Variants in BOLL observed in about 807,000 individuals in gnomAD.
BOLL encodes the protein boule RNA binding protein.
In BOLL, 23 loss-of-function variants were observed where a neutral mutation model predicts 44.4. That is an observed-to-expected ratio of 0.52 (90% CI 0.37 to 0.73). The LOEUF is 0.73. Among genes scored for constraint, BOLL ranks in the 30% least tolerant of loss-of-function variants. The pLI, the probability that BOLL is intolerant of heterozygous loss-of-function variation, is 0.00. For synonymous variants in BOLL, 97 were observed against 110.8 expected (o/e 0.88, Z 0.78); for missense variants, 287 against 338.3 (o/e 0.85, Z 1.19).
At chr2:197,742,141 G>T (rs75691287) in intron 10 of BOLL, among the ~76,000 whole-genome samples, 1 of 152,126 alleles carries the variant, frequency 6.6e-6, no homozygotes, top group African/African-American at 2.4e-5. Flanking sequence ...TTAGAATGGC[G>T]ATCATTAAAA....
rs185103102 is a variant in BOLL at position 197,760,612 on chromosome 2, G to A, written c.553-3212C>T. On this transcript the variant is annotated intron_variant, in intron 7 of 10. Coordinates refer to ENST00000392296, the MANE Select transcript of BOLL (RefSeq NM_033030.6). The stretch of plus-strand genomic sequence containing the variant: ...CCTGACCTGAGGAACAGCTCAGCAA[G>A]CCCACCCCTGGCAAAGCCCTACCAC... Among the ~76,000 whole-genome samples the A allele has an allele frequency of 2.0e-5, 3 of 152,276 alleles. No individual in the cohort carries two copies. In the East Asian group the frequency reaches 5.8e-4, roughly 29 times the overall value.
intron 9 of BOLL, among the ~76,000 whole-genome samples, chr2:197,756,118 G>C (rs1688507433): frequency 6.6e-6 from 1 of 151,900 alleles, no homozygotes; most frequent in Non-Finnish European, 1.5e-5. Flanking sequence ...TAGAATGTTA[G>C]TAACAATACA....
intron 10 of BOLL, among the ~76,000 whole-genome samples, chr2:197,737,109 A>G (rs1187329393): frequency 6.6e-6 from 1 of 151,816 alleles, no homozygotes; most frequent in Non-Finnish European, 1.5e-5. Context: ...TCAGCTTGCA[A>G]TTGTTTCTTA....
At chr2:197,732,229 C>T (rs1029863012) in intron 10 of BOLL, among the ~76,000 whole-genome samples, 13 of 151,844 alleles carry the variant, frequency 8.6e-5, no homozygotes, top group African/African-American at 1.9e-4. Context: ...ATAAATTTCT[C>T]GACACATACA....
At chr2:197,742,412 C>T (rs1687786182) in intron 10 of BOLL, among the ~76,000 whole-genome samples, 1 of 152,162 alleles carries the variant, frequency 6.6e-6, no homozygotes, top group Non-Finnish European at 1.5e-5. Flanking sequence ...TTGGAACCAA[C>T]CCAAATGTCC....
intron 6 of BOLL, among the ~76,000 whole-genome samples, chr2:197,769,386 T>C (rs1689134874): frequency 6.6e-6 from 1 of 152,136 alleles, no homozygotes; most frequent in Non-Finnish European, 1.5e-5. Context: ...TGGTTTAGTC[T>C]TGGGAGGGTG....
intron 10 of BOLL, among the ~76,000 whole-genome samples, chr2:197,737,783 G>A (rs115329739): frequency 8.5e-4 from 130 of 152,244 alleles, no homozygotes; most frequent in African/African-American, 3.0e-3. Flanking sequence ...GAAGTAGATA[G>A]TGGTAGTAGT....
At chr2:197,761,602 T>C (rs1191920223) in intron 7 of BOLL, among the ~76,000 whole-genome samples, 1 of 152,120 alleles carries the variant, frequency 6.6e-6, no homozygotes, top group Non-Finnish European at 1.5e-5. Context: ...TCCTCACCTA[T>C]CAATAATAAC....
At chr2:197,730,715 GC>G (rs1687122325) in intron 10 of BOLL, among the ~76,000 whole-genome samples, 1 of 151,320 alleles carries the variant, frequency 6.6e-6, no homozygotes, top group Non-Finnish European at 1.5e-5. Flanking sequence ...GCCAAACTAA[GC>G]TTCATAAGTG....
At chr2:197,776,752 A>T (rs1173679240) in intron 4 of BOLL, among the ~76,000 whole-genome samples, 1 of 151,964 alleles carries the variant, frequency 6.6e-6, no homozygotes, top group Non-Finnish European at 1.5e-5. Flanking sequence ...AGATAACCTC[A>T]CTGTTGGAAT....
intron 10 of BOLL, among the ~76,000 whole-genome samples, chr2:197,741,884 A>G (rs1394014501): frequency 6.6e-6 from 1 of 152,190 alleles, no homozygotes; most frequent in Admixed American, 6.5e-5. Flanking sequence ...CAACCTACAA[A>G]ATGGGAGAAA....
At chr2:197,758,980 ATCT>A (rs1559406586) in intron 7 of BOLL, 1 of 1,536,030 alleles carries the variant, frequency 6.5e-7, no homozygotes. Context: ...GAGTCCATCC[ATCT>A]TCTTGTATGA....
chr2:197,747,735 T>C (rs1227304609), intron 9 of BOLL, among the ~76,000 whole-genome samples: 1 of 152,128 alleles, frequency 6.6e-6, no homozygotes, highest in Non-Finnish European at 1.5e-5. Context: ...AACAATGTAC[T>C]TAAACTGGGA....
intron 7 of BOLL, among the ~76,000 whole-genome samples, chr2:197,759,425 C>T (rs183651095): frequency 1.5e-4 from 23 of 152,096 alleles, no homozygotes; most frequent in African/African-American, 5.5e-4. Context: ...TGCATTGCCC[C>T]GAATTAGGAG....
chr2:197,736,690 C>G (rs1303853973), intron 10 of BOLL, among the ~76,000 whole-genome samples: 4 of 152,090 alleles, frequency 2.6e-5, no homozygotes, highest in Non-Finnish European at 5.9e-5. Context: ...GCCAGGATAT[C>G]TATGCATGGG....
At chr2:197,760,190 G>A (rs142298345) in intron 7 of BOLL, among the ~76,000 whole-genome samples, 9 of 152,176 alleles carry the variant, frequency 5.9e-5, no homozygotes, top group Non-Finnish European at 7.4e-5. Context: ...TTTCCAGGCC[G>A]GGTGATCCAC....
At position 197,781,842 on chromosome 2, in the gene BOLL, T is replaced by C; in HGVS notation, c.9A>G (p.Thr3=). Residue 3 remains threonine, a synonymous_variant, in exon 2 of 11, where the codon ACA becomes ACG. Transcript: ENST00000392296. MQ[T]DSLSPSPNPV... ...GATTAGGGGATGGAGATAATGAATC[T>C]GTTTGCATCTGGTTTGATGTTTGCT... is the stretch of plus-strand genomic sequence containing the variant. 2 of 1,602,374 alleles carry C rather than the reference T, an allele frequency of 1.2e-6. No homozygotes were observed. The highest frequency in any genetic ancestry group is 1.7e-6 in the Non-Finnish European group (2 of 1,172,094).
chr2:197,770,560 A>G (rs1226920860), intron 6 of BOLL, among the ~76,000 whole-genome samples: 1 of 152,220 alleles, frequency 6.6e-6, no homozygotes, highest in African/African-American at 2.4e-5. Context: ...TGAACAGGCA[A>G]CCTACAGAAT....
At chr2:197,781,344 TAG>T (rs1009972020) in intron 2 of BOLL, among the ~76,000 whole-genome samples, 1 of 152,108 alleles carries the variant, frequency 6.6e-6, no homozygotes, top group Non-Finnish European at 1.5e-5. Context: ...TTTTAAAAAA[TAG>T]AGTCTCTTTT....
Sources: allele counts gnomAD v4.1 joint callset (sites outside exome capture counted in the v4.1 genomes callset), GRCh38; gene constraint gnomAD v4.1.1; transcripts MANE v1.5; gene names NCBI Gene and HGNC (gene_info 2026-07-23, HGNC 2026-07-21).